The following SGSM1 variants were observed in gnomAD, a reference collection of about 807,000 sequenced individuals.
SGSM1 encodes small G protein signaling modulator 1, also known as RUN and TBC1 domain containing 2.
SGSM1 carries 73 observed loss-of-function variants against 133.8 expected under a neutral mutation model. That is an observed-to-expected ratio of 0.55 (90% CI 0.45 to 0.66). SGSM1 has a LOEUF of 0.66. Among genes scored for constraint, SGSM1 ranks in the 30% least tolerant of loss-of-function variants. SGSM1 has a pLI of 0.00. For synonymous variants in SGSM1, 563 were observed against 573.0 expected (o/e 0.98, Z 0.25); for missense variants, 1,213 against 1,448.1 (o/e 0.84, Z 2.64).
At chr22:24,910,476 C>G (rs1041074533) in intron 21 of SGSM1, among the ~76,000 whole-genome samples, 1 of 151,872 alleles carries the variant, frequency 6.6e-6, no homozygotes, top group African/African-American at 2.4e-5. Flanking sequence ...AGTGAGACTC[C>G]ATCTCTATAA....
At chr22:24,830,971 C>T (rs1443527973) in intron 2 of SGSM1, among the ~76,000 whole-genome samples, 1 of 152,096 alleles carries the variant, frequency 6.6e-6, no homozygotes, top group Non-Finnish European at 1.5e-5. Context: ...CTGAGGCTCT[C>T]CACACCTTGC....
rs146853459 is a variant in SGSM1, at chr22:24,807,145, C to T, written c.63+661C>T. ...GCCCCTCCACTCTCCTTGGGGTCAG[C>T]GCGTGGAGAGGGGGGCAGTCTAGTC... On this transcript the variant is annotated intron_variant, in intron 2 of 24. Coordinates refer to ENST00000400358, the MANE Select transcript of SGSM1 (RefSeq NM_001098497.3). Among the ~76,000 whole-genome samples the T allele has an allele frequency of 3.6e-3, 550 of 152,138 alleles. 2 individuals are homozygous for T. Among genetic ancestry groups the T allele is most frequent in the African/African-American group, 0.013 (523 of 41,504 alleles).
intron 2 of SGSM1, among the ~76,000 whole-genome samples, chr22:24,826,428 T>A (rs1928804702): frequency 6.6e-6 from 1 of 152,198 alleles, no homozygotes; most frequent in Non-Finnish European, 1.5e-5. Flanking sequence ...ATCAATGGGA[T>A]CTAGAGCCAA....
At chr22:24,852,496 T>C (rs748593359) in intron 5 of SGSM1, among the ~76,000 whole-genome samples, 6 of 152,154 alleles carry the variant, frequency 3.9e-5, no homozygotes, top group Non-Finnish European at 7.4e-5. Context: ...CAGGTTGGAG[T>C]AGAATGGTGT....
chr22:24,816,868 T>A (rs1269156836), intron 2 of SGSM1, among the ~76,000 whole-genome samples: 1 of 152,210 alleles, frequency 6.6e-6, no homozygotes, highest in Non-Finnish European at 1.5e-5. Context: ...TCTGCCAGCT[T>A]GGCATTTCTG....
intron 2 of SGSM1, among the ~76,000 whole-genome samples, chr22:24,816,311 C>G (rs1928071020): frequency 6.6e-6 from 1 of 152,110 alleles, no homozygotes; most frequent in African/African-American, 2.4e-5. Flanking sequence ...GCTCCATCCT[C>G]CATCCTTTTC....
intron 9 of SGSM1, 109 bp downstream of exon 9, chr22:24,859,949 C>T (rs1358180827): frequency 6.9e-7 from 1 of 1,455,022 alleles, no homozygotes; most frequent in Admixed American, 1.8e-5. Flanking sequence ...TGCTTCTGCC[C>T]CCTCCTCTGC....
chr22:24,827,951 G>C (rs1043814634), intron 2 of SGSM1, among the ~76,000 whole-genome samples: 1 of 151,930 alleles, frequency 6.6e-6, no homozygotes, highest in Non-Finnish European at 1.5e-5. Context: ...AGCAGATGTT[G>C]GCGGACCCCT....
intron 4 of SGSM1, among the ~76,000 whole-genome samples, 175 bp from the exon 5 acceptor site, chr22:24,850,104 TG>T (rs1243213546): frequency 6.6e-6 from 1 of 152,186 alleles, no homozygotes; most frequent in African/African-American, 2.4e-5. Context: ...GCACACTCAC[TG>T]GGTATTACTA....
At chr22:24,909,014 C>T (rs1303884573) in intron 21 of SGSM1, among the ~76,000 whole-genome samples, 1 of 152,172 alleles carries the variant, frequency 6.6e-6, no homozygotes, top group Non-Finnish European at 1.5e-5. Flanking sequence ...GTGAGCATTA[C>T]AGCCTGAGCT....
chr22:24,844,783 C>T, intron 2 of SGSM1, 114 bp from the exon 3 acceptor site: 1 of 862,796 alleles, frequency 1.2e-6, no homozygotes, highest in Non-Finnish European at 1.8e-6. Flanking sequence ...GTCAAAACAT[C>T]CCAAACAGCC....
intron 2 of SGSM1, chr22:24,844,670 G>T: frequency 1.9e-6 from 1 of 538,778 alleles, no homozygotes; most frequent in Non-Finnish European, 3.3e-6. Context: ...GCAGCCTGCT[G>T]TGTGAAGAAC....
chr22:24,806,373 G>A (rs1158195641), intron 1 of SGSM1, 29 bp downstream of exon 1: 1 of 1,503,904 alleles, frequency 6.6e-7, no homozygotes, highest in Admixed American at 2.2e-5. Context: ...CGAGGGCGGC[G>A]GGAGGGCAGC....
In SGSM1 at chr22:24,886,637, A is replaced by C. The variant is rs937215198; in HGVS notation, c.1679A>C (p.Tyr560Ser). Reference protein sequence around the residue: ...EEQELLRLIYYGGIQPEIRKA... With the variant: ...EEQELLRLIYSGGIQPEIRKA... ...CAGGAGCTGCTGCGCCTCATCTACTACGGGGGCATCCAGCCTGAGATCCGC... is the reference window on the plus strand; with the variant it reads ...CAGGAGCTGCTGCGCCTCATCTACTCCGGGGGCATCCAGCCTGAGATCCGC... Residue 560 changes from tyrosine to serine, a missense_variant, in exon 16 of 25, where the codon TAC becomes TCC. Tyr to Ser is a moderately radical substitution (Grantham distance 144). Transcript: ENST00000400358. 9 of 1,555,336 alleles carry C rather than the reference A, an allele frequency of 5.8e-6. No homozygotes were observed. The African/African-American group carries it at 1.2e-4, about 21-fold the overall frequency.
intron 9 of SGSM1, among the ~76,000 whole-genome samples, chr22:24,864,108 G>C (rs985259715): frequency 3.3e-5 from 5 of 152,144 alleles, no homozygotes; most frequent in Non-Finnish European, 7.3e-5. Context: ...CACTAGCTGG[G>C]TATTCCAATG....
At chr22:24,912,783 C>CT in intron 22 of SGSM1, 31 bp downstream of exon 22, 1 of 1,531,272 alleles carries the variant, frequency 6.5e-7, no homozygotes, top group South Asian at 1.2e-5. Context: ...TTGCTTTGGA[C>CT]TTTTTTGGGA....
intron 21 of SGSM1, among the ~76,000 whole-genome samples, chr22:24,908,540 C>T (rs1370557938): frequency 2.6e-5 from 4 of 152,300 alleles, no homozygotes; most frequent in South Asian, 2.1e-4. Context: ...CGGTGGCTCA[C>T]GCCTGTAATC....
chr22:24,867,139 T>C lies in SGSM1; in HGVS notation c.973T>C (p.Tyr325His). Residue 325 changes from tyrosine (Y) to histidine (H), a missense_variant, in exon 10 of 25, where the codon TAC (tyrosine) becomes CAC (histidine). Transcript: ENST00000400358. ...GACCATCCGCTTGGAGGAGATTGTC[T>C]ACCTGCACTGCCACCAGCAAGGTAG... Reference protein sequence around the residue: ...AMTIRLEEIVYLHCHQQVDSG... With the variant: ...AMTIRLEEIVHLHCHQQVDSG... The C allele has an allele frequency of 1.2e-6, 2 of 1,613,824 alleles. No homozygotes were observed. Among genetic ancestry groups the C allele is most frequent in the Non-Finnish European group, 1.7e-6 (2 of 1,179,856 alleles).
At chr22:24,922,254 C>G (rs529940225) in intron 24 of SGSM1, among the ~76,000 whole-genome samples, 16 of 146,604 alleles carry the variant, frequency 1.1e-4, no homozygotes, top group Non-Finnish European at 1.6e-4. Flanking sequence ...CAATCCAGCT[C>G]ACTGCAAGCT....
Sources: gnomAD v4.1 joint callset for allele counts (sites outside exome capture counted in the v4.1 genomes callset) on GRCh38, gnomAD v4.1.1 for gene constraint, MANE v1.5 for transcripts, NCBI Gene and HGNC (gene_info 2026-07-23, HGNC 2026-07-21) for gene names.